The following PREX1 variants were observed in gnomAD, a reference collection of about 807,000 sequenced individuals.
The protein encoded by PREX1 is phosphatidylinositol 3,4,5-trisphosphate-dependent Rac exchanger 1 protein.
In PREX1, 41 loss-of-function variants were observed where a neutral mutation model predicts 198.3. That is an observed-to-expected ratio of 0.21 (90% CI 0.16 to 0.27). PREX1 has a LOEUF of 0.27. Ranked by LOEUF, PREX1 falls within the 10% of genes least tolerant of loss-of-function variation. The pLI is 1.00. For synonymous variants in PREX1, 843 were observed against 887.2 expected (o/e 0.95, Z 0.89); for missense variants, 1,620 against 2,200.7 (o/e 0.74, Z 5.28).
intron 5 of PREX1, among the ~76,000 whole-genome samples, chr20:48,721,182 TA>T (rs1270933136): frequency 2.0e-5 from 3 of 152,222 alleles, no homozygotes; most frequent in African/African-American, 7.2e-5. Flanking sequence ...CAGGGGTATC[TA>T]CCCTGTGCAG....
chr20:48,707,323 G>A (rs1394150106), intron 6 of PREX1, among the ~76,000 whole-genome samples: 1 of 152,192 alleles, frequency 6.6e-6, no homozygotes, highest in East Asian at 1.9e-4. Context: ...TGGGCAGGAA[G>A]GCCCAGCAGA....
At chr20:48,693,068 G>C (rs1019122575) in intron 7 of PREX1, among the ~76,000 whole-genome samples, 2 of 152,188 alleles carry the variant, frequency 1.3e-5, no homozygotes, top group African/African-American at 4.8e-5. Flanking sequence ...AGACCAACAG[G>C]AGGTAACAGA....
At chr20:48,853,651 GCA>G in the PREX1 span, among the ~76,000 whole-genome samples, 1 of 152,002 alleles carries the variant, frequency 6.6e-6, no homozygotes, top group Non-Finnish European at 1.5e-5. Context: ...GGTACACCAT[GCA>G]CACACACACA....
chr20:48,630,861 T>G, intron 35 of PREX1, 67 bp from the exon 36 acceptor site: 1 of 1,228,270 alleles, frequency 8.1e-7, no homozygotes, highest in East Asian at 2.3e-5. Context: ...CCTACCCAGG[T>G]CTCAACTCCT....
At chr20:48,819,571 C>T (rs935974822) in intron 1 of PREX1, among the ~76,000 whole-genome samples, 7 of 152,218 alleles carry the variant, frequency 4.6e-5, no homozygotes, top group Non-Finnish European at 8.8e-5. Flanking sequence ...CAGCCTCTCC[C>T]GGCTTTAGTT....
chr20:48,818,538 C>T (rs1298249135), intron 1 of PREX1, among the ~76,000 whole-genome samples: 1 of 152,200 alleles, frequency 6.6e-6, no homozygotes, highest in African/African-American at 2.4e-5. Flanking sequence ...AGGGCGAGAT[C>T]AAAAGAGTCA....
intron 1 of PREX1, among the ~76,000 whole-genome samples, chr20:48,824,939 C>G (rs972508564): frequency 1.3e-5 from 2 of 152,100 alleles, no homozygotes; most frequent in Non-Finnish European, 2.9e-5. Context: ...CTGCCTCTAA[C>G]CACATGGAAA....
intron 29 of PREX1, among the ~76,000 whole-genome samples, chr20:48,641,834 G>T (rs1353086511): frequency 7.8e-6 from 1 of 128,506 alleles, no homozygotes; most frequent in African/African-American, 3.1e-5. Context: ...AAGAGAGAGA[G>T]AGAGAGAGGA....
In PREX1 at chr20:48,639,785, G is replaced by A. The variant is rs2089394256; in HGVS notation, c.3885C>T (p.Asn1295=). 1 of 1,614,050 alleles carries A rather than the reference G, an allele frequency of 6.2e-7. No individual in the cohort carries two copies. The highest frequency in any genetic ancestry group is 2.2e-5 in the East Asian group (1 of 44,868). ...LPNSIKTLVD[N]IQRYVEDGKN... ...ACCGACCTTCCACATATCTCTGAATGTTGTCCACCAGGGTCTTGATGGAGT... is the reference window on the plus strand; with the variant it reads ...ACCGACCTTCCACATATCTCTGAATATTGTCCACCAGGGTCTTGATGGAGT... Residue 1295 remains asparagine, a synonymous_variant, in exon 30 of 40, where the codon AAC becomes AAT. Transcript: ENST00000371941.
chr20:48,795,634 T>C (rs551042698), intron 1 of PREX1, among the ~76,000 whole-genome samples: 2 of 151,030 alleles, frequency 1.3e-5, no homozygotes, highest in Non-Finnish European at 3.0e-5. Flanking sequence ...ACCACCAAGA[T>C]GCCCATCAAG....
chr20:48,874,948 G>C, the PREX1 span, among the ~76,000 whole-genome samples: 1 of 152,098 alleles, frequency 6.6e-6, no homozygotes. Flanking sequence ...CCCATGGGGA[G>C]TTTTATTATC....
chr20:48,784,587 G>C (rs945207222), intron 1 of PREX1, among the ~76,000 whole-genome samples: 1 of 152,170 alleles, frequency 6.6e-6, no homozygotes, highest in African/African-American at 2.4e-5. Context: ...AGGCCGTCCT[G>C]ATCTGCACAC....
the PREX1 span, among the ~76,000 whole-genome samples, chr20:48,850,817 C>T: frequency 1.3e-5 from 2 of 152,156 alleles, no homozygotes; most frequent in Non-Finnish European, 2.9e-5. Flanking sequence ...CTGCCAGGAG[C>T]ACCCTTCCTC....
intron 3 of PREX1, among the ~76,000 whole-genome samples, chr20:48,735,778 C>T (rs150185516): frequency 3.3e-5 from 5 of 152,242 alleles, no homozygotes; most frequent in East Asian, 3.9e-4. Flanking sequence ...AGGGTCTCGC[C>T]GCTAGTGCAG....
chr20:48,730,486 A>G (rs2090030377), intron 4 of PREX1, among the ~76,000 whole-genome samples: 1 of 151,978 alleles, frequency 6.6e-6, no homozygotes, highest in African/African-American at 2.4e-5. Flanking sequence ...ACGATGCTAG[A>G]ATAGGAAAAA....
In PREX1 at chr20:48,684,650, AC is replaced by A. The variant is rs2123029397; in HGVS notation, c.1335-3316del. ...GGTAACCCTGAGCTCCGACAGCTCC[AC>A]CAATGCCCTCGATCTGGATCCTCAT... is the stretch of plus-strand genomic sequence containing the variant. On this transcript the variant is annotated intron_variant, in intron 10 of 39. Transcript: ENST00000371941. This position sits in a 1 kb window ranked among gnomAD's most constrained non-coding sequence, Gnocchi z 4.2. Among the ~76,000 whole-genome samples the A allele has an allele frequency of 6.6e-6, 1 of 152,256 alleles. No homozygotes were observed. Among genetic ancestry groups the A allele is most frequent in the South Asian group, 2.1e-4 (1 of 4,808 alleles).
At chr20:48,878,673 C>A in the PREX1 span, among the ~76,000 whole-genome samples, 3 of 152,112 alleles carry the variant, frequency 2.0e-5, no homozygotes, top group African/African-American at 7.2e-5. Flanking sequence ...CTGGCATCTG[C>A]CCTACCACAC....
At chr20:48,792,232 T>G (rs1018957595) in intron 1 of PREX1, among the ~76,000 whole-genome samples, 1 of 152,104 alleles carries the variant, frequency 6.6e-6, no homozygotes, top group African/African-American at 2.4e-5. Flanking sequence ...TCCCAGCACT[T>G]TGGGAGGCCA....
At chr20:48,796,580 A>C (rs2090363383) in intron 1 of PREX1, among the ~76,000 whole-genome samples, 1 of 151,802 alleles carries the variant, frequency 6.6e-6, no homozygotes, top group Non-Finnish European at 1.5e-5. Context: ...TTTTAATTTG[A>C]ACCATGAAAA....
Sources: allele counts gnomAD v4.1 joint callset (sites outside exome capture counted in the v4.1 genomes callset), GRCh38; gene constraint gnomAD v4.1.1; non-coding constraint Gnocchi (gnomAD v3.1); transcripts MANE v1.5; gene names NCBI Gene and HGNC (gene_info 2026-07-23, HGNC 2026-07-21).